RPS6KA5: variants seen among roughly 807,000 people sequenced by gnomAD.
RPS6KA5 encodes ribosomal protein S6 kinase alpha-5.
A neutral mutation model predicts 85.5 loss-of-function variants in RPS6KA5; 27 were observed. The ratio of observed to expected loss-of-function variants is 0.32; its 90% confidence interval spans 0.23 to 0.44. The LOEUF is 0.44. RPS6KA5 is among the 20% of genes least tolerant of loss of function. The probability of loss-of-function intolerance (pLI) is 1.00; values close to 1 mark genes in which losing one functional copy is unlikely to be tolerated. For missense variants in RPS6KA5, 811 were observed against 980.9 expected (o/e 0.83, Z 2.31); for synonymous variants, 334 against 348.2 (o/e 0.96, Z 0.46).
chr14:91,034,354 T>G, intron 1 of RPS6KA5, among the ~76,000 whole-genome samples: 1 of 152,032 alleles, frequency 6.6e-6, no homozygotes. Flanking sequence ...TTCATATTAT[T>G]CATAGCTGTC....
intron 2 of RPS6KA5, among the ~76,000 whole-genome samples, chr14:90,984,044 C>T (rs536764863): frequency 1.3e-5 from 2 of 152,196 alleles, no homozygotes; most frequent in African/African-American, 2.4e-5. Flanking sequence ...GGGGGTTTCA[C>T]CATGTTGGCC....
rs749991277 is a variant in RPS6KA5, at chr14:90,971,105, C to T, written c.394+7201G>A. Among the ~76,000 whole-genome samples, 28 of 151,984 alleles carry T rather than the reference C, an allele frequency of 1.8e-4. 1 individual carries two copies. Among genetic ancestry groups the T allele is most frequent in the Non-Finnish European group, 4.0e-4 (27 of 68,008 alleles). On this transcript the variant is annotated intron_variant, in intron 3 of 16. Coordinates refer to ENST00000614987, the MANE Select transcript of RPS6KA5 (RefSeq NM_004755.4). ...GGCCAGGGCGAGCAGATTACCGATGCCAGGAGTTCAAGACCAGCCTGGCCA... is the reference window on the plus strand; with the variant it reads ...GGCCAGGGCGAGCAGATTACCGATGTCAGGAGTTCAAGACCAGCCTGGCCA...
chr14:90,854,360 C>CT lies in RPS6KA5; in HGVS notation c.*17713dup, dbSNP rs2032171226. On this transcript the variant is annotated 3_prime_UTR_variant, in exon 17 of 17. Transcript: ENST00000614987. ...ACTTAACATGAAATCAGCACAGAAA[C>CT]TAAGTTTTTAGAAATAGCCTACATA... The CT allele has an allele frequency of 6.6e-6, 1 of 151,982 alleles. No individual in the cohort carries two copies. Among genetic ancestry groups the CT allele is most frequent in the East Asian group, 1.9e-4 (1 of 5,204 alleles). 9.4% of individuals were successfully genotyped at this position (151,982 alleles called of 1,614,324 possible).
chr14:90,891,815 GC>G (rs1244507528), intron 13 of RPS6KA5, among the ~76,000 whole-genome samples: 8 of 152,126 alleles, frequency 5.3e-5, no homozygotes, highest in Non-Finnish European at 1.0e-4. Flanking sequence ...GTTGATGGAT[GC>G]GTGCTTGGGA....
rs532792048 is a variant in RPS6KA5, at chr14:90,923,921, G to A, written c.619-725C>T. 4.6e-5 allele frequency among the ~76,000 whole-genome samples: 7 copies of A among 151,998 alleles called. No homozygotes were observed. In the South Asian group the frequency reaches 6.2e-4, roughly 14 times the overall value. On this transcript the variant is annotated intron_variant, in intron 5 of 16. Transcript: ENST00000614987. ...TTTAGATAATCAATTATGCAATTACGTAGCTCATTTATTATCTCAACTTAG... is the reference window on the plus strand; with the variant it reads ...TTTAGATAATCAATTATGCAATTACATAGCTCATTTATTATCTCAACTTAG...
At chr14:90,883,756 A>G (rs1228280982) in intron 14 of RPS6KA5, among the ~76,000 whole-genome samples, 2 of 152,030 alleles carry the variant, frequency 1.3e-5, no homozygotes, top group East Asian at 3.9e-4. Flanking sequence ...GGGAATCAAA[A>G]TTCTCCTCCT....
rs138668421 is a variant in RPS6KA5 at position 90,880,098 on chromosome 14, C to T, written c.1837-4738G>A. Among the ~76,000 whole-genome samples the T allele has an allele frequency of 1.2e-4, 18 of 152,250 alleles. No homozygotes were observed. In the East Asian group the frequency reaches 3.5e-3, roughly 29 times the overall value. On this transcript the variant is annotated intron_variant, in intron 14 of 16. Coordinates refer to ENST00000614987, the MANE Select transcript of RPS6KA5 (RefSeq NM_004755.4). ...ACAAGAGTGAGCCACCATGCCTGGC[C>T]ACCACTCCTAATTTTTTATTGTGTT...
At chr14:91,046,278 T>G (rs1390481913) in intron 1 of RPS6KA5, among the ~76,000 whole-genome samples, 1 of 152,204 alleles carries the variant, frequency 6.6e-6, no homozygotes, top group Non-Finnish European at 1.5e-5. Flanking sequence ...TAAACCCTTA[T>G]GGGTGAATAA....
intron 1 of RPS6KA5, among the ~76,000 whole-genome samples, chr14:91,043,131 T>G (rs1339375493): frequency 6.6e-6 from 1 of 152,206 alleles, no homozygotes; most frequent in Non-Finnish European, 1.5e-5. Context: ...TCTTTTCTCC[T>G]TAGCTTCCAA....
intron 8 of RPS6KA5, 45 bp from the exon 9 acceptor site, chr14:90,903,014 A>G: frequency 2.0e-6 from 3 of 1,525,714 alleles, no homozygotes; most frequent in Non-Finnish European, 1.8e-6. Context: ...AATAGTCAAA[A>G]TGTACTTTCT....
intron 1 of RPS6KA5, among the ~76,000 whole-genome samples, chr14:91,006,298 T>C (rs547606357): frequency 6.6e-6 from 1 of 152,284 alleles, no homozygotes; most frequent in East Asian, 1.9e-4. Flanking sequence ...TCAACATACA[T>C]AGTAGTTAGC....
At chr14:90,883,724 A>G (rs971715544) in intron 14 of RPS6KA5, among the ~76,000 whole-genome samples, 4 of 152,126 alleles carry the variant, frequency 2.6e-5, no homozygotes, top group African/African-American at 9.7e-5. Flanking sequence ...TGGGACCTTG[A>G]ACTTAATGAT....
intron 1 of RPS6KA5, among the ~76,000 whole-genome samples, chr14:91,003,545 C>T (rs1810346739): frequency 6.6e-6 from 1 of 152,182 alleles, no homozygotes; most frequent in Non-Finnish European, 1.5e-5. Context: ...CTTCTCCAAC[C>T]TCCTATCCCC....
chr14:91,058,291 T>C (rs150915872), intron 1 of RPS6KA5, among the ~76,000 whole-genome samples: 6 of 152,286 alleles, frequency 3.9e-5, no homozygotes, highest in Non-Finnish European at 7.4e-5. Context: ...TCACCATCCA[T>C]CAGAAAAATT....
chr14:90,881,325 C>T (rs974661261), intron 14 of RPS6KA5, among the ~76,000 whole-genome samples: 23 of 150,968 alleles, frequency 1.5e-4, no homozygotes, highest in Admixed American at 7.2e-4. Flanking sequence ...ATGGTATATG[C>T]GCCTGTAATC....
chr14:90,902,377 C>T (rs892582772), intron 9 of RPS6KA5, among the ~76,000 whole-genome samples: 1 of 151,578 alleles, frequency 6.6e-6, no homozygotes, highest in Non-Finnish European at 1.5e-5. Flanking sequence ...CTCAGCTATC[C>T]CAGAGGCTAA....
chr14:90,993,495 C>T (rs1010053783), intron 2 of RPS6KA5, among the ~76,000 whole-genome samples: 1 of 152,140 alleles, frequency 6.6e-6, no homozygotes, highest in Non-Finnish European at 1.5e-5. Context: ...ACAACAACAA[C>T]AAGTGTCTTT....
chr14:90,945,762 T>C (rs964423558), intron 4 of RPS6KA5, among the ~76,000 whole-genome samples: 1 of 152,136 alleles, frequency 6.6e-6, no homozygotes, highest in African/African-American at 2.4e-5. Flanking sequence ...TGCCTGTAAT[T>C]TGGGAGGCTG....
At chr14:90,916,821 C>T (rs987523408) in intron 7 of RPS6KA5, among the ~76,000 whole-genome samples, 13 of 152,174 alleles carry the variant, frequency 8.5e-5, no homozygotes, top group Non-Finnish European at 1.8e-4. Flanking sequence ...TTTAAACAAT[C>T]TGATTCAGGC....
Sources: gnomAD v4.1 joint callset for allele counts (sites outside exome capture counted in the v4.1 genomes callset) on GRCh38, gnomAD v4.1.1 for gene constraint, MANE v1.5 for transcripts, NCBI Gene and HGNC (gene_info 2026-07-23, HGNC 2026-07-21) for gene names.